The following SYNE2 variants were observed in gnomAD, a reference collection of about 807,000 sequenced individuals.
The protein encoded by SYNE2 is nesprin-2.
Under a neutral mutation model 856.3 loss-of-function variants are expected in SYNE2, and 431 were observed. The observed-to-expected ratio is 0.50, with a 90% CI of 0.47 to 0.55. The LOEUF is 0.55. Among genes scored for constraint, SYNE2 ranks in the 20% least tolerant of loss-of-function variants. The pLI, the probability that SYNE2 is intolerant of heterozygous loss-of-function variation, is 0.00. For missense variants in SYNE2, 8,129 were observed against 8,023.2 expected (o/e 1.01, Z -0.50); for synonymous variants, 2,923 against 2,872.3 (o/e 1.02, Z -0.56).
chr14:64,074,323 A>C (rs1257410868), intron 53 of SYNE2, among the ~76,000 whole-genome samples, 187 bp downstream of exon 53: 2 of 152,204 alleles, frequency 1.3e-5, no homozygotes, highest in Non-Finnish European at 2.9e-5. Flanking sequence ...GTGTGGCTGG[A>C]GAGCAGAGAA....
At chr14:63,934,480 G>T (rs1424231248) in intron 2 of SYNE2, among the ~76,000 whole-genome samples, 3 of 151,682 alleles carry the variant, frequency 2.0e-5, no homozygotes, top group Non-Finnish European at 2.9e-5. Flanking sequence ...AGCTAGGAAA[G>T]CTCATAGTCA....
chr14:64,178,369 G>C (rs534968059), intron 96 of SYNE2, among the ~76,000 whole-genome samples: 7 of 152,312 alleles, frequency 4.6e-5, no homozygotes, highest in Middle Eastern at 3.4e-3. Context: ...CTTCTCCTTA[G>C]AGGTGTCAGT....
At chr14:64,205,788 T>C (rs2098602430) in intron 100 of SYNE2, among the ~76,000 whole-genome samples, 2 of 152,220 alleles carry the variant, frequency 1.3e-5, no homozygotes, top group South Asian at 4.2e-4. Flanking sequence ...TCATTGAATC[T>C]TTAAGATCCC....
At chr14:63,892,056 T>G (rs1345685630) in intron 1 of SYNE2, among the ~76,000 whole-genome samples, 2 of 152,180 alleles carry the variant, frequency 1.3e-5, no homozygotes, top group African/African-American at 4.8e-5. Context: ...TCATAAGTGT[T>G]TGCTGCCAAA....
Position 63,857,338 on chromosome 14 carries a change from A to G in SYNE2, c.-52+4195A>G, listed in dbSNP as rs139887734. On this transcript the variant is annotated intron_variant, in intron 1 of 115. Coordinates refer to ENST00000555002, the MANE Select transcript of SYNE2 (RefSeq NM_182914.3). ...TCTTTTTATTGTTAAGTAATACTCC[A>G]TTGTACTGATAGACGCCAGTTCATG... Among the ~76,000 whole-genome samples, 502 of 152,264 alleles carry G rather than the reference A, an allele frequency of 3.3e-3. 3 individuals are homozygous for G. Among genetic ancestry groups the G allele is most frequent in the African/African-American group, 0.011 (475 of 41,536 alleles).
At chr14:64,022,589 T>C (rs2096943646) in intron 37 of SYNE2, among the ~76,000 whole-genome samples, 162 bp from the exon 38 acceptor site, 1 of 151,934 alleles carries the variant, frequency 6.6e-6, no homozygotes, top group Non-Finnish European at 1.5e-5. Context: ...GGTGAAACCT[T>C]GTCTAGGCTT....
chr14:64,162,234 C>T lies in SYNE2; in HGVS notation c.16257C>T (p.Asn5419=), dbSNP rs2098335208. 1 of 1,614,232 alleles carries T rather than the reference C, an allele frequency of 6.2e-7. No homozygotes were observed. Among genetic ancestry groups the T allele is most frequent in the Non-Finnish European group, 8.5e-7 (1 of 1,180,034 alleles). Residue 5419 remains asparagine (N), a synonymous_variant, in exon 88 of 116, where the codon AAC becomes AAT. Transcript: ENST00000555002. ...QQLANISMSG[N]NLAEILPPAL... is the part of the protein sequence containing the mutation. The stretch of plus-strand genomic sequence containing the variant: ...TCGCAAACATCAGCATGTCTGGAAA[C>T]AACCTGGCAGAGATCCTGCCCCCAG...
At chr14:63,793,186 G>A (rs1887796187) in intron 1 of SYNE2, among the ~76,000 whole-genome samples, 1 of 152,126 alleles carries the variant, frequency 6.6e-6, no homozygotes. Context: ...CTCCCAGGAG[G>A]AGGAATTTCC....
intron 51 of SYNE2, among the ~76,000 whole-genome samples, 194 bp from the exon 52 acceptor site, chr14:64,070,451 T>C (rs1595301383): frequency 6.6e-6 from 1 of 152,188 alleles, no homozygotes; most frequent in Non-Finnish European, 1.5e-5. Context: ...CAGTCACACA[T>C]CTACATGAGC....
chr14:64,210,007 G>C lies in SYNE2; in HGVS notation c.18606G>C (p.Arg6202=), dbSNP rs200548317. ...AGCTCATCAACAAGCAGTACCGGCG[G>C]CTGGCCCGGGAGAACCGCACAGACA... ...QLELINKQYR[R]LARENRTDTA... The change falls in exon 103 of 116, where the codon CGG becomes CGC. Residue 6202 remains arginine (R), a synonymous_variant. Transcript: ENST00000555002. 6.2e-7 allele frequency: 1 copy of C among 1,614,124 alleles called. No homozygotes were observed. Among genetic ancestry groups the C allele is most frequent in the Admixed American group, 1.7e-5 (1 of 60,022 alleles).
intron 1 of SYNE2, among the ~76,000 whole-genome samples, chr14:63,843,239 G>C (rs907932777): frequency 6.6e-6 from 1 of 151,944 alleles, no homozygotes; most frequent in African/African-American, 2.4e-5. Flanking sequence ...GTTTTGTAGA[G>C]AGGGGGTTTT....
At chr14:64,196,212 T>C (rs2098540015) in intron 99 of SYNE2, among the ~76,000 whole-genome samples, 1 of 152,202 alleles carries the variant, frequency 6.6e-6, no homozygotes, top group Non-Finnish European at 1.5e-5. Context: ...GGTGGGGATA[T>C]AATAATGACT....
chr14:64,129,935 G>T, intron 75 of SYNE2, 34 bp downstream of exon 75: 4 of 1,614,074 alleles, frequency 2.5e-6, no homozygotes, highest in Non-Finnish European at 3.4e-6. Context: ...ACTCAGCACT[G>T]TGATTGTGAG....
chr14:64,048,059 G>T lies in SYNE2; in HGVS notation c.7281G>T (p.Met2427Ile). The change falls in exon 46 of 116, where the codon ATG becomes ATT. Residue 2427 changes from methionine to isoleucine, a missense_variant. Around this residue, in one of 3 missense-constraint regions of SYNE2, gnomAD observed 5,410 missense variants for 5,284.8 expected, o/e 1.02. Coordinates refer to ENST00000555002, the MANE Select transcript of SYNE2 (RefSeq NM_182914.3). ...KQLSLNAQESMKNTEDERKVN... is the reference protein window; with the variant it reads ...KQLSLNAQESIKNTEDERKVN... The stretch of plus-strand genomic sequence containing the variant: ...TTTCTCTTAATGCTCAAGAAAGCAT[G>T]AAAAACACTGAAGATGAGCGGAAAG... 6.2e-7 allele frequency: 1 copy of T among 1,613,728 alleles called. No homozygotes were observed. Among genetic ancestry groups the T allele is most frequent in the Non-Finnish European group, 8.5e-7 (1 of 1,179,794 alleles).
intron 13 of SYNE2, 58 bp downstream of exon 13, chr14:63,978,075 A>G: frequency 9.1e-7 from 1 of 1,101,132 alleles, no homozygotes; most frequent in South Asian, 1.2e-5. Flanking sequence ...GTAACAACTG[A>G]TACTACAGGG....
At chr14:63,974,363 A>G (rs1202205530) in intron 11 of SYNE2, among the ~76,000 whole-genome samples, 1 of 152,164 alleles carries the variant, frequency 6.6e-6, no homozygotes, top group African/African-American at 2.4e-5. Flanking sequence ...GCTTTTGTAT[A>G]GAAATCACAT....
upstream of SYNE2, among the ~76,000 whole-genome samples, chr14:63,848,851 C>T (rs1047231003): frequency 2.0e-5 from 3 of 152,216 alleles, no homozygotes; most frequent in African/African-American, 7.2e-5. Flanking sequence ...TGGCACTTCA[C>T]GTACACAGCT....
intron 1 of SYNE2, among the ~76,000 whole-genome samples, chr14:63,786,763 CT>C (rs1887542372): frequency 6.6e-6 from 1 of 151,136 alleles, no homozygotes; most frequent in Middle Eastern, 3.4e-3. Flanking sequence ...CTTTTTCTCT[CT>C]TTTTAAAAAA....
intron 65 of SYNE2, 148 bp downstream of exon 65, chr14:64,107,755 G>A: frequency 2.6e-6 from 2 of 755,410 alleles, no homozygotes; most frequent in South Asian, 3.0e-5. Flanking sequence ...CTGTCAAGCT[G>A]TAGAACTGGA....
Sources: allele counts gnomAD v4.1 joint callset (sites outside exome capture counted in the v4.1 genomes callset), GRCh38; gene constraint gnomAD v4.1.1; regional missense constraint gnomAD v4.1.1; transcripts MANE v1.5; gene names NCBI Gene and HGNC (gene_info 2026-07-23, HGNC 2026-07-21).